The following MACF1 variants were observed in gnomAD, a reference collection of about 807,000 sequenced individuals.
MACF1 encodes microtubule-actin cross-linking factor 1.
Under a neutral mutation model 854.8 loss-of-function variants are expected in MACF1, and 193 were observed. That is an observed-to-expected ratio of 0.23 (90% confidence interval 0.20 to 0.25). MACF1 has a LOEUF of 0.25. Ranked by LOEUF, MACF1 falls within the 10% of genes least tolerant of loss-of-function variation. MACF1 has a pLI of 1.00. For missense variants in MACF1, 7,722 were observed against 8,929.1 expected, an observed-to-expected ratio of 0.86 and a Z score of 5.45; for synonymous variants, 3,185 against 3,226.7, an observed-to-expected ratio of 0.99 and a Z score of 0.44.
At chr1:39,162,086 C>T (rs542294162) in intron 2 of MACF1, among the ~76,000 whole-genome samples, 37 of 151,238 alleles carry the variant, frequency 2.4e-4, no homozygotes, top group Admixed American at 1.4e-3. Context: ...TTGCAATCTC[C>T]GCCTCCCGGG....
intron 26 of MACF1, among the ~76,000 whole-genome samples, chr1:39,311,986 A>G (rs1646310009): frequency 6.6e-6 from 1 of 152,302 alleles, no homozygotes; most frequent in South Asian, 2.1e-4. Flanking sequence ...AGAGGGAGGT[A>G]ATATGAGGCA....
chr1:39,273,869 C>T (rs575585971), intron 6 of MACF1, among the ~76,000 whole-genome samples: 3 of 152,238 alleles, frequency 2.0e-5, no homozygotes, highest in Admixed American at 6.5e-5. Flanking sequence ...GGATTACAGG[C>T]GTGAGCCACC....
chr1:39,334,312 AGGAGGTTCAGGCCTTTACT>A lies in MACF1; in HGVS notation c.7728_7746del (p.Val2577ThrfsTer11). The A allele has an allele frequency of 1.9e-6, 3 of 1,614,170 alleles. No homozygotes were observed. Among genetic ancestry groups the A allele is most frequent in the Non-Finnish European group, 2.5e-6 (3 of 1,179,996 alleles). On this transcript the variant is annotated frameshift_variant, in exon 37 of 101. Transcript: ENST00000564288. LOFTEE classifies it high-confidence loss of function. The stretch of plus-strand genomic sequence containing the variant: ...ACCTCAGACCTGAAAAGAGAAATCC[AGGAGGTTCAGGCCTTTACT>A]GGAAACTTTGTGGATCTCATTTCTG...
Position 39,444,729 on chromosome 1 carries a change from T to C in MACF1, c.19499T>C (p.Met6500Thr), listed in dbSNP as rs1448725801. 1 of 1,614,100 alleles carries C rather than the reference T, an allele frequency of 6.2e-7. No individual in the cohort carries two copies. The highest frequency in any genetic ancestry group is 8.5e-7 in the Non-Finnish European group (1 of 1,180,036). Residue 6500 changes from methionine (M) to threonine (T), a missense_variant, in exon 80 of 101, where the codon ATG (methionine) becomes ACG (threonine). Physicochemically the swap from Met to Thr is moderately conservative, Grantham distance 81. Transcript: ENST00000564288. ...CAACTACTTGACAAGGGCAGACTCA[T>C]GCTTCTAAGCCGTGACGACTCTGGG... ...YNQLLDKGRL[M>T]LLSRDDSGSG... is the part of the protein sequence containing the mutation.
At chr1:39,263,084 C>A (rs1302077162) in intron 6 of MACF1, among the ~76,000 whole-genome samples, 1 of 150,868 alleles carries the variant, frequency 6.6e-6, no homozygotes, top group Non-Finnish European at 1.5e-5. Flanking sequence ...GCTGTTCTCA[C>A]CAAGAACATA....
chr1:39,168,493 TTG>T (rs1295631967), intron 2 of MACF1, among the ~76,000 whole-genome samples: 1 of 152,216 alleles, frequency 6.6e-6, no homozygotes, highest in East Asian at 1.9e-4. Flanking sequence ...TATATGTTTT[TTG>T]TGTGTGTGCG....
At chr1:39,259,501 A>G in intron 6 of MACF1, among the ~76,000 whole-genome samples, 1 of 152,202 alleles carries the variant, frequency 6.6e-6, no homozygotes, top group East Asian at 1.9e-4. Context: ...CTCTCAGGTG[A>G]TCCACCCACC....
chr1:39,354,981 CACATTCT>C (rs1314594276), intron 44 of MACF1, among the ~76,000 whole-genome samples: 2 of 152,200 alleles, frequency 1.3e-5, no homozygotes, highest in Admixed American at 6.5e-5. Flanking sequence ...CATATACAGG[CACATTCT>C]ATTGAATGAT....
At chr1:39,188,335 G>C (rs1644204849) in intron 2 of MACF1, among the ~76,000 whole-genome samples, 1 of 152,104 alleles carries the variant, frequency 6.6e-6, no homozygotes, top group South Asian at 2.1e-4. Flanking sequence ...TTGAGCCCCG[G>C]AGGTTGAAGC....
intron 2 of MACF1, among the ~76,000 whole-genome samples, chr1:39,171,203 T>TTGTG (rs147517281): frequency 0.26 from 38,365 of 146,042 alleles, 5,971 homozygotes; most frequent in East Asian, 0.36. Flanking sequence ...ATCTTTCTGT[T>TTGTG]TGTGTGTGTG....
chr1:39,095,280 C>T (rs1257099837), intron 2 of MACF1, among the ~76,000 whole-genome samples: 1 of 151,710 alleles, frequency 6.6e-6, no homozygotes, highest in African/African-American at 2.4e-5. Context: ...TGGGGGAAGG[C>T]GGCTGGGTGC....
At chr1:39,152,678 C>G (rs1643604898) in intron 2 of MACF1, among the ~76,000 whole-genome samples, 1 of 152,136 alleles carries the variant, frequency 6.6e-6, no homozygotes, top group African/African-American at 2.4e-5. Flanking sequence ...CTTGGACTTT[C>G]TTTTTAAATA....
At chr1:39,407,510 A>T (rs900893503) in intron 58 of MACF1, among the ~76,000 whole-genome samples, 2 of 152,164 alleles carry the variant, frequency 1.3e-5, no homozygotes, top group African/African-American at 4.8e-5. Flanking sequence ...CGGCCTCCCC[A>T]CCCCTTTCAG....
chr1:39,419,307 T>C (rs1445277929), intron 58 of MACF1, among the ~76,000 whole-genome samples: 2 of 152,242 alleles, frequency 1.3e-5, no homozygotes, highest in Non-Finnish European at 2.9e-5. Flanking sequence ...AATGCTTCTA[T>C]AGGAAATGTT....
intron 58 of MACF1, 91 bp downstream of exon 58, chr1:39,388,749 C>T: frequency 8.0e-7 from 1 of 1,243,164 alleles, no homozygotes. Flanking sequence ...TAACTTCTGT[C>T]CCTAGTTTTA....
chr1:39,223,655 T>G (rs1644680325), intron 1 of MACF1, among the ~76,000 whole-genome samples: 1 of 152,026 alleles, frequency 6.6e-6, no homozygotes, highest in Non-Finnish European at 1.5e-5. Context: ...GCTGGTATTT[T>G]ACAGGTGCCT....
chr1:39,195,836 A>G (rs1644312210), intron 2 of MACF1, among the ~76,000 whole-genome samples: 1 of 152,196 alleles, frequency 6.6e-6, no homozygotes, highest in South Asian at 2.1e-4. Flanking sequence ...TACATGCTTC[A>G]AGGAGATTAC....
At chr1:39,280,102 A>G (rs1424417161) in intron 6 of MACF1, among the ~76,000 whole-genome samples, 2 of 151,988 alleles carry the variant, frequency 1.3e-5, no homozygotes, top group African/African-American at 4.8e-5. Flanking sequence ...TCTGTCACCT[A>G]GGCGGGAGTG....
rs776725095 is a variant in MACF1, at chr1:39,368,410, A to G, written c.12938+96A>G. ...CTCTTTTCTTCCTTTACCAGAACAG[A>G]TGGCATCTAAAATTCTACTACTGAG... On this transcript the variant is annotated intron_variant, in intron 50 of 100. Transcript: ENST00000564288. 47 of 1,287,776 alleles carry G rather than the reference A, an allele frequency of 3.6e-5. No individual in the cohort carries two copies. In the Admixed American group the frequency reaches 4.2e-4, roughly 11 times the overall value. The allele number at this position is 1,287,776 out of a possible 1,614,324, so 79.8% of individuals were successfully genotyped here.
Sources: gnomAD v4.1 joint callset for allele counts (sites outside exome capture counted in the v4.1 genomes callset) on GRCh38, gnomAD v4.1.1 for gene constraint, MANE v1.5 for transcripts, NCBI Gene and HGNC (gene_info 2026-07-23, HGNC 2026-07-21) for gene names.